PTPRD: variants seen among roughly 807,000 people sequenced by gnomAD.
PTPRD encodes receptor-type tyrosine-protein phosphatase delta.
In PTPRD, 34 loss-of-function variants were observed where a neutral mutation model predicts 214.5. That is an observed-to-expected ratio of 0.16 (90% CI 0.12 to 0.21). PTPRD has a LOEUF of 0.21. Among genes scored for constraint, PTPRD ranks in the 10% least tolerant of loss-of-function variants. The pLI is 1.00. For synonymous variants in PTPRD, 1,128 were observed against 845.7 expected, an observed-to-expected ratio of 1.33 and a Z score of -5.79; for missense variants, 2,545 against 2,398.7, an observed-to-expected ratio of 1.06 and a Z score of -1.27.
chr9:8,655,563 T>C (rs2096892651), intron 12 of PTPRD, among the ~76,000 whole-genome samples: 1 of 152,150 alleles, frequency 6.6e-6, no homozygotes, highest in Admixed American at 6.6e-5. Flanking sequence ...TGAAGGTGTG[T>C]ATAGAAAAAC....
intron 8 of PTPRD, among the ~76,000 whole-genome samples, chr9:9,539,313 T>C (rs2077124960): frequency 6.6e-6 from 1 of 151,786 alleles, no homozygotes; most frequent in African/African-American, 2.4e-5. Flanking sequence ...CTTCTGTCAC[T>C]TGAGCATAGG....
intron 2 of PTPRD, among the ~76,000 whole-genome samples, chr9:10,393,252 G>A (rs1565746453): frequency 6.6e-6 from 1 of 151,594 alleles, no homozygotes; most frequent in African/African-American, 2.4e-5. Flanking sequence ...AGTAAAAAAT[G>A]TACTGACAGA....
At chr9:9,802,582 T>C (rs1254893926) in intron 5 of PTPRD, among the ~76,000 whole-genome samples, 1 of 151,882 alleles carries the variant, frequency 6.6e-6, no homozygotes, top group African/African-American at 2.4e-5. Flanking sequence ...TTTGGAAACT[T>C]TTTGTGGGAA....
intron 7 of PTPRD, among the ~76,000 whole-genome samples, chr9:9,680,479 C>T (rs2097043896): frequency 6.6e-6 from 1 of 151,760 alleles, no homozygotes; most frequent in African/African-American, 2.4e-5. Flanking sequence ...ATTCTTTTAT[C>T]ATAATTTGAT....
chr9:9,067,754 ACAAT>A (rs1194331186), intron 10 of PTPRD, among the ~76,000 whole-genome samples: 1 of 152,222 alleles, frequency 6.6e-6, no homozygotes, highest in Non-Finnish European at 1.5e-5. Context: ...AACCTGTAAC[ACAAT>A]CTCAGAACCA....
intron 4 of PTPRD, among the ~76,000 whole-genome samples, chr9:10,015,182 C>T (rs2096677867): frequency 6.6e-6 from 1 of 152,036 alleles, no homozygotes; most frequent in African/African-American, 2.4e-5. Flanking sequence ...TGATTATGGG[C>T]AACAATAACT....
intron 8 of PTPRD, among the ~76,000 whole-genome samples, chr9:9,562,551 G>A (rs935212440): frequency 6.6e-6 from 1 of 152,030 alleles, no homozygotes; most frequent in Non-Finnish European, 1.5e-5. Flanking sequence ...TTACTATTCT[G>A]ACCTCAGGTC....
intron 3 of PTPRD, among the ~76,000 whole-genome samples, chr9:10,171,867 A>C (rs1161336505): frequency 6.6e-6 from 1 of 152,170 alleles, no homozygotes; most frequent in African/African-American, 2.4e-5. Context: ...AATAACCCCC[A>C]TCATGCTGTT....
intron 12 of PTPRD, among the ~76,000 whole-genome samples, chr9:8,683,973 T>C (rs911850677): frequency 1.3e-5 from 2 of 152,166 alleles, no homozygotes; most frequent in Non-Finnish European, 2.9e-5. Context: ...CAGCAGCGAA[T>C]GTTCAAGAGG....
intron 10 of PTPRD, among the ~76,000 whole-genome samples, chr9:9,108,312 T>C (rs572752983): frequency 6.6e-5 from 10 of 152,274 alleles, no homozygotes; most frequent in Admixed American, 3.3e-4. Context: ...GGGGTGAAGA[T>C]ACATTGTAGA....
chr9:10,579,063 C>G (rs1157595815), intron 2 of PTPRD, among the ~76,000 whole-genome samples: 1 of 151,954 alleles, frequency 6.6e-6, no homozygotes, highest in African/African-American at 2.4e-5. Context: ...CCTAATGCTC[C>G]TCCTCCCTCT....
chr9:10,028,459 A>T (rs1589238019), intron 4 of PTPRD, among the ~76,000 whole-genome samples: 1 of 152,174 alleles, frequency 6.6e-6, no homozygotes, highest in African/African-American at 2.4e-5. Context: ...GAAGAAGACA[A>T]GAAAATGTAG....
chr9:10,436,963 G>C (rs1818206241), intron 2 of PTPRD, among the ~76,000 whole-genome samples: 1 of 151,798 alleles, frequency 6.6e-6, no homozygotes, highest in African/African-American at 2.4e-5. Flanking sequence ...TGTCAGTTAA[G>C]TGTCAATGTG....
chr9:8,953,380 A>G (rs2154307657), intron 11 of PTPRD, among the ~76,000 whole-genome samples: 1 of 152,152 alleles, frequency 6.6e-6, no homozygotes, highest in East Asian at 1.9e-4. Context: ...AAAGACCTCA[A>G]ACTATAAACA....
intron 2 of PTPRD, among the ~76,000 whole-genome samples, chr9:10,462,747 T>A (rs1170395200): frequency 2.0e-5 from 3 of 150,352 alleles, no homozygotes; most frequent in Non-Finnish European, 3.0e-5. Flanking sequence ...AAAAAAAAAA[T>A]ACTGCATTTC....
intron 3 of PTPRD, among the ~76,000 whole-genome samples, chr9:10,202,793 T>C (rs569042339): frequency 2.0e-5 from 3 of 150,536 alleles, no homozygotes; most frequent in South Asian, 2.1e-4. Context: ...TTAAAAGAGA[T>C]AGAAGGAGCT....
At chr9:10,044,865 A>C (rs2097361220) in intron 3 of PTPRD, among the ~76,000 whole-genome samples, 1 of 151,740 alleles carries the variant, frequency 6.6e-6, no homozygotes, top group Non-Finnish European at 1.5e-5. Flanking sequence ...CTCAGTATCC[A>C]TTACACTGAC....
intron 11 of PTPRD, among the ~76,000 whole-genome samples, chr9:8,950,689 C>G (rs1444720182): frequency 6.6e-6 from 1 of 151,064 alleles, no homozygotes. Flanking sequence ...ACTATTAACA[C>G]TTAGAATTAT....
At chr9:9,499,001 CTCTT>C (rs973178303) in intron 8 of PTPRD, among the ~76,000 whole-genome samples, 1 of 152,006 alleles carries the variant, frequency 6.6e-6, no homozygotes, top group Non-Finnish European at 1.5e-5. Flanking sequence ...TGCTCTCCCT[CTCTT>C]TATCAATTGT....
Sources: gnomAD v4.1 joint callset for allele counts (sites outside exome capture counted in the v4.1 genomes callset) on GRCh38, gnomAD v4.1.1 for gene constraint, MANE v1.5 for transcripts, NCBI Gene and HGNC (gene_info 2026-07-23, HGNC 2026-07-21) for gene names.